Variants in SUN5 observed in about 807,000 individuals in gnomAD.
SUN5 encodes SUN domain-containing protein 5.
A neutral mutation model predicts 53.7 loss-of-function variants in SUN5; 44 were observed. That is an observed-to-expected ratio of 0.82 (90% CI 0.64 to 1.05). SUN5 has a LOEUF of 1.05. Among genes scored for constraint, SUN5 ranks in the 50% least tolerant of loss-of-function variants. SUN5 has a pLI of 0.00. For missense variants in SUN5, 433 were observed against 483.8 expected (o/e 0.90, Z 0.98); for synonymous variants, 166 against 179.8 (o/e 0.92, Z 0.62).
intron 5 of SUN5, among the ~76,000 whole-genome samples, chr20:32,997,991 G>A (rs949181319): frequency 3.6e-4 from 54 of 152,072 alleles, no homozygotes; most frequent in African/African-American, 1.3e-3. Flanking sequence ...AGAAGAAGGC[G>A]CTCTGCATTT....
chr20:32,992,535 T>C (rs951653598), intron 8 of SUN5, among the ~76,000 whole-genome samples: 1 of 152,088 alleles, frequency 6.6e-6, no homozygotes. Flanking sequence ...AAGGGCTCTG[T>C]TGGGACAGGT....
At chr20:32,996,716 A>G (rs1028663536) in intron 6 of SUN5, among the ~76,000 whole-genome samples, 1 of 151,086 alleles carries the variant, frequency 6.6e-6, no homozygotes. Context: ...CTATCCACCA[A>G]CCCACCCACC....
In SUN5 at chr20:33,004,274, T is replaced by G. The variant is rs1423048768; in HGVS notation, c.67A>C (p.Arg23=). The G allele has an allele frequency of 4.4e-6, 7 of 1,575,110 alleles. No homozygotes were observed. Among genetic ancestry groups the G allele is most frequent in the Non-Finnish European group, 6.0e-6 (7 of 1,159,562 alleles). ...ALLEDVAHNP[R]PRRIAQRGRN... ...GGCTGCCATCCTCACCTCCGGGGTC[T>G]GGGATTGTGGGCCACATCTTCGAGT... Residue 23 remains arginine (R), a synonymous_variant, in exon 1 of 13, where the codon AGA becomes CGA. Transcript: ENST00000356173.
intron 8 of SUN5, among the ~76,000 whole-genome samples, chr20:32,995,158 T>C (rs902588027): frequency 1.3e-5 from 2 of 152,182 alleles, no homozygotes; most frequent in Non-Finnish European, 2.9e-5. Flanking sequence ...TTCCCAAAAC[T>C]ATTGAAAAAT....
Position 33,002,939 on chromosome 20 carries a change from T to C in SUN5, c.78-20A>G, listed in dbSNP as rs6059011. 0.1 allele frequency: 165,807 copies of C among 1,613,064 alleles called. 9,299 individuals carry two copies. Among genetic ancestry groups the C allele is most frequent in the African/African-American group, 0.18 (13,862 of 74,976 alleles). ...GCAATCCTGGGGATGATAAGATTCA[T>C]AGTCGCATTTTACAATTATGAGGAA... On this transcript the variant is annotated intron_variant, in intron 1 of 12. Coordinates refer to ENST00000356173, the MANE Select transcript of SUN5 (RefSeq NM_080675.4).
At chr20:33,003,497 T>C (rs6120082) in intron 1 of SUN5, among the ~76,000 whole-genome samples, 9,393 of 152,166 alleles carry the variant, frequency 0.062, 846 homozygotes, top group African/African-American at 0.2. Context: ...GACAGGAACC[T>C]GGGTCTTGGG....
intron 10 of SUN5, among the ~76,000 whole-genome samples, chr20:32,986,183 T>G (rs1600488471): frequency 6.6e-6 from 1 of 152,206 alleles, no homozygotes; most frequent in Non-Finnish European, 1.5e-5. Flanking sequence ...ACTCACTCAC[T>G]CATTCATTCA....
chr20:32,999,763 G>A (rs1473812563), intron 5 of SUN5: 1 of 625,448 alleles, frequency 1.6e-6, no homozygotes, highest in East Asian at 3.6e-5. Flanking sequence ...AGATTCCTTT[G>A]CTTGGGAAAG....
chr20:32,983,937 G>T lies in SUN5; in HGVS notation c.997C>A (p.Arg333=). 1 of 1,583,386 alleles carries T rather than the reference G, an allele frequency of 6.3e-7. No homozygotes were observed. The highest frequency in any genetic ancestry group is 1.8e-5 in the Admixed American group (1 of 56,402). ...TTCACCTTGACCGCACTGAAAGCCC[G>T]GGCCGGCTGGTTCTGGAAGAGAATC... ...QMFPLQNQPA[R]AFSAVKVKIS... The change falls in exon 13 of 13, where the codon CGG becomes AGG. Residue 333 remains arginine (R), a synonymous_variant. Transcript: ENST00000356173.
chr20:33,001,191 C>A (rs890433369), intron 4 of SUN5, 21 bp downstream of exon 4: 1 of 1,562,456 alleles, frequency 6.4e-7, no homozygotes, highest in Non-Finnish European at 8.7e-7. Context: ...CATCCACCCT[C>A]CCCCTGCCTT....
intron 7 of SUN5, among the ~76,000 whole-genome samples, chr20:32,995,928 T>G (rs1181449321): frequency 6.6e-6 from 1 of 152,164 alleles, no homozygotes; most frequent in African/African-American, 2.4e-5. Context: ...AATATCTTTA[T>G]ACCCAGCTCA....
intron 3 of SUN5, among the ~76,000 whole-genome samples, chr20:33,001,507 TTTTCTTTCTTTCTTCTTTCTTTCTTTC>T (rs1185324627): frequency 3.7e-5 from 1 of 27,068 alleles, no homozygotes; most frequent in African/African-American, 6.4e-4. Context: ...TTAACAGACA[TTTTCTTTCTTTCTTCTTTCTTTCTTTC>T]TTTCTTTCTT....
chr20:32,984,975 CAA>C, intron 12 of SUN5, 122 bp downstream of exon 12: 1 of 994,646 alleles, frequency 1.0e-6, no homozygotes, highest in Non-Finnish European at 1.5e-6. Flanking sequence ...CCTTGCCTGT[CAA>C]ACAGGTTAGT....
chr20:32,997,724 A>G (rs1054004486), intron 5 of SUN5, 37 bp from the exon 6 acceptor site: 59 of 1,612,236 alleles, frequency 3.7e-5, no homozygotes, highest in Non-Finnish European at 4.8e-5. Flanking sequence ...GCCATTTAAC[A>G]TGCAAGATGA....
At chr20:32,991,171 G>A (rs1299970821) in intron 8 of SUN5, among the ~76,000 whole-genome samples, 2 of 152,188 alleles carry the variant, frequency 1.3e-5, no homozygotes, top group Non-Finnish European at 2.9e-5. Flanking sequence ...GCTGAGTGCA[G>A]TCTTCTTCTC....
rs1989461970 is a variant in SUN5 at position 32,983,916 on chromosome 20, C to G, written c.1018G>C (p.Val340Leu). 1.5e-5 allele frequency: 24 copies of G among 1,594,942 alleles called. No individual in the cohort carries two copies. The African/African-American group carries it at 1.9e-4, about 13-fold the overall frequency. The change falls in exon 13 of 13, where the codon GTG becomes CTG. Residue 340 changes from valine to leucine, a missense_variant. By Grantham distance (32) the Val-to-Leu change is conservative (BLOSUM62 1). Coordinates refer to ENST00000356173, the MANE Select transcript of SUN5 (RefSeq NM_080675.4). ...TTCCCCCAGTTGCTTGAGATCTTCACCTTGACCGCACTGAAAGCCCGGGCC... is the reference window on the plus strand; with the variant it reads ...TTCCCCCAGTTGCTTGAGATCTTCAGCTTGACCGCACTGAAAGCCCGGGCC... Reference protein sequence around the residue: ...QPARAFSAVKVKISSNWGNPG... With the variant: ...QPARAFSAVKLKISSNWGNPG...
At chr20:33,001,519 C>CTTTTTCTTTCTTTCT (rs68051515) in intron 3 of SUN5, among the ~76,000 whole-genome samples, 1 of 121,324 alleles carries the variant, frequency 8.2e-6, no homozygotes, top group African/African-American at 3.5e-5. Flanking sequence ...TTCTTTCTTT[C>CTTTTTCTTTCTTTCT]TTCTTTCTTT....
chr20:32,985,364 C>T (rs1006063990), intron 11 of SUN5, among the ~76,000 whole-genome samples, 179 bp from the exon 12 acceptor site: 6 of 152,020 alleles, frequency 3.9e-5, no homozygotes, highest in Non-Finnish European at 8.8e-5. Flanking sequence ...GGAGTCAGAG[C>T]CTGGGGGTCT....
chr20:33,002,602 T>G lies in SUN5; in HGVS notation c.196A>C (p.Met66Leu), dbSNP rs746568409. The G allele has an allele frequency of 1.2e-6, 2 of 1,614,102 alleles. No homozygotes were observed. Among genetic ancestry groups the G allele is most frequent in the Non-Finnish European group, 8.5e-7 (1 of 1,180,036 alleles). ...NDQALGLTQC[M>L]LGCVSWFTCF... ...ATATACGTACACACACATCCCAGCA[T>G]GCACTGAGTCAGGCCTAGGGCTTGG... is the stretch of plus-strand genomic sequence containing the variant. The change falls in exon 3 of 13, where the codon ATG becomes CTG. Residue 66 changes from methionine to leucine, a missense_variant. Physicochemically the swap from Met to Leu is conservative, Grantham distance 15. Transcript: ENST00000356173.
Sources: allele counts gnomAD v4.1 joint callset (sites outside exome capture counted in the v4.1 genomes callset), GRCh38; gene constraint gnomAD v4.1.1; transcripts MANE v1.5; gene names NCBI Gene and HGNC (gene_info 2026-07-23, HGNC 2026-07-21).